The following ADGRG4 variants were observed in gnomAD, a reference collection of about 807,000 sequenced individuals.
The protein encoded by ADGRG4 is adhesion G protein-coupled receptor G4.
A neutral mutation model predicts 126.2 loss-of-function variants in ADGRG4; 122 were observed. The observed-to-expected ratio is 0.97, with a 90% CI of 0.83 to 1.12. The LOEUF is 1.12. ADGRG4 is among the 50% of genes most tolerant of loss of function. ADGRG4 has a pLI of 0.00. For missense variants in ADGRG4, 2,481 were observed against 2,251.8 expected (o/e 1.10, Z -2.06); for synonymous variants, 943 against 838.7 (o/e 1.12, Z -2.15).
chrX:136,367,426 G>T (rs1036836109), intron 13 of ADGRG4, among the ~76,000 whole-genome samples: 2 of 112,462 alleles, frequency 1.8e-5, no homozygotes, highest in African/African-American at 6.5e-5. Context: ...ACTGACCTCC[G>T]TCCTTCTGAG....
At chrX:136,367,105 T>C (rs1325235816) in intron 13 of ADGRG4, among the ~76,000 whole-genome samples, 5 of 111,921 alleles carry the variant, frequency 4.5e-5, no homozygotes, top group Non-Finnish European at 9.4e-5. Flanking sequence ...CTGTTCTTCA[T>C]AGACAACTTG....
rs767647743 is a variant in ADGRG4 at position 136,349,110 on chromosome X, T to C, written c.5404T>C (p.Leu1802=). 5 of 1,206,499 alleles carry C rather than the reference T, an allele frequency of 4.1e-6. No homozygotes were observed. Among genetic ancestry groups the C allele is most frequent in the Non-Finnish European group, 4.5e-6 (4 of 891,256 alleles). The change falls in exon 6 of 26, where the codon TTA becomes CTA. Residue 1802 remains leucine, a synonymous_variant. Transcript: ENST00000394143. ...SSNTRKMTSL[L]EKTSLTNYAT... The stretch of plus-strand genomic sequence containing the variant: ...TAATACTAGAAAGATGACTTCCTTG[T>C]TAGAAAAGACTTCCTTAACAAACTA...
rs757021019 is a variant in ADGRG4 at position 136,414,287 on chromosome X, C to G, written c.9165C>G (p.Gly3055=). The G allele has an allele frequency of 1.7e-6, 2 of 1,208,423 alleles. No homozygotes were observed. The highest frequency in any genetic ancestry group is 4.4e-5 in the Admixed American group (2 of 45,765). ...TATSSTFKSL[G]SAQGTPSEIS... ...CTAGCTCCACTTTCAAATCTTTAGG[C>G]TCTGCACAAGGCACACCTTCAGAAA... Residue 3055 remains glycine, a synonymous_variant, in exon 25 of 26, where the codon GGC becomes GGG. Coordinates refer to ENST00000394143, the MANE Select transcript of ADGRG4 (RefSeq NM_153834.4).
chrX:136,370,977 G>A (rs1051759056), intron 13 of ADGRG4, among the ~76,000 whole-genome samples: 24 of 110,969 alleles, frequency 2.2e-4, no homozygotes, highest in African/African-American at 7.5e-4. Flanking sequence ...AGTGTTTGCT[G>A]ATATTTGAGT....
chrX:136,395,274 G>T, intron 18 of ADGRG4, 116 bp from the exon 19 acceptor site: 1 of 433,456 alleles, frequency 2.3e-6, no homozygotes. Flanking sequence ...CCCTAATCTT[G>T]CTATCTCAGC....
intron 5 of ADGRG4, among the ~76,000 whole-genome samples, chrX:136,332,576 G>A (rs1404846756): frequency 9.8e-6 from 1 of 102,439 alleles, no homozygotes; most frequent in Non-Finnish European, 2.0e-5. Context: ...CTGAGGAGTC[G>A]CCACACTGAC....
chrX:136,372,829 G>A, intron 14 of ADGRG4, 73 bp from the exon 15 acceptor site: 5 of 1,022,761 alleles, frequency 4.9e-6, no homozygotes, highest in Admixed American at 4.5e-5. Context: ...CTTGCAATAA[G>A]GAAATCTTGC....
At chrX:136,412,402 C>A (rs776209312) in intron 24 of ADGRG4, 36 bp downstream of exon 24, 2 of 872,469 alleles carry the variant, frequency 2.3e-6, no homozygotes, top group Non-Finnish European at 3.4e-6. Flanking sequence ...TTGAATATTA[C>A]ATGTTTTACA....
At chrX:136,403,705 C>A (rs929654158) in intron 22 of ADGRG4, among the ~76,000 whole-genome samples, 1 of 112,067 alleles carries the variant, frequency 8.9e-6, no homozygotes, top group East Asian at 2.8e-4. Flanking sequence ...AGTTAGTGGC[C>A]CCTACAAGGA....
chrX:136,313,979 G>A (rs2074790022), intron 4 of ADGRG4, among the ~76,000 whole-genome samples: 1 of 111,341 alleles, frequency 9.0e-6, no homozygotes, highest in South Asian at 3.8e-4. Context: ...AAACTTAGGG[G>A]CTATCTTTCA....
chrX:136,409,999 C>T (rs1348231799), intron 23 of ADGRG4, among the ~76,000 whole-genome samples: 2 of 112,586 alleles, frequency 1.8e-5, no homozygotes, highest in Non-Finnish European at 3.8e-5. Flanking sequence ...TACTAGACTT[C>T]TTGGACTCCA....
intron 15 of ADGRG4, among the ~76,000 whole-genome samples, chrX:136,384,135 T>A (rs1025982856): frequency 1.8e-5 from 2 of 110,456 alleles, no homozygotes; most frequent in Non-Finnish European, 3.8e-5. Flanking sequence ...GGTTTCAAAC[T>A]CCTGACCTGA....
chrX:136,318,286 A>C (rs1312628942), intron 4 of ADGRG4, among the ~76,000 whole-genome samples: 1 of 112,042 alleles, frequency 8.9e-6, no homozygotes, highest in Non-Finnish European at 1.9e-5. Context: ...ACAAGAAAGG[A>C]CACATATTGT....
chrX:136,328,429 A>T (rs1569317719), intron 5 of ADGRG4, among the ~76,000 whole-genome samples: 1 of 111,710 alleles, frequency 9.0e-6, no homozygotes, highest in African/African-American at 3.2e-5. Context: ...AAACAAAGGA[A>T]TTTTTTTTGA....
intron 4 of ADGRG4, among the ~76,000 whole-genome samples, chrX:136,314,620 A>T (rs952632222): frequency 8.9e-6 from 1 of 112,331 alleles, no homozygotes. Flanking sequence ...CATAATGTAG[A>T]CATTTCCTTT....
At chrX:136,359,219 T>G (rs1375434771) in intron 10 of ADGRG4, 73 bp from the exon 11 acceptor site, 3 of 869,141 alleles carry the variant, frequency 3.5e-6, no homozygotes, top group Non-Finnish European at 4.8e-6. Context: ...TGTACAGAAT[T>G]TCTGCATTGC....
At chrX:136,363,445 C>A in intron 12 of ADGRG4, 32 bp from the exon 13 acceptor site, 2 of 954,292 alleles carry the variant, frequency 2.1e-6, no homozygotes, top group Non-Finnish European at 3.0e-6. Flanking sequence ...GCCTCATCCT[C>A]TGATGAGAAA....
At chrX:136,305,190 A>G (rs1012039436) in intron 3 of ADGRG4, among the ~76,000 whole-genome samples, 167 bp downstream of exon 3, 2 of 111,715 alleles carry the variant, frequency 1.8e-5, no homozygotes, top group African/African-American at 6.5e-5. Flanking sequence ...TTTGGGGTGA[A>G]TCATGGATTA....
intron 15 of ADGRG4, among the ~76,000 whole-genome samples, chrX:136,376,666 TTG>T (rs2075227840): frequency 2.8e-5 from 3 of 108,785 alleles, no homozygotes; most frequent in Non-Finnish European, 5.7e-5. Context: ...TTGTATTGTA[TTG>T]TATTGTATTG....
Sources: allele counts gnomAD v4.1 joint callset (sites outside exome capture counted in the v4.1 genomes callset), GRCh38; gene constraint gnomAD v4.1.1; transcripts MANE v1.5; gene names NCBI Gene and HGNC (gene_info 2026-07-23, HGNC 2026-07-21).